The following PLCZ1 variants were observed in gnomAD, a reference collection of about 807,000 sequenced individuals.
The protein encoded by PLCZ1 is phospholipase C zeta 1, also known as 1-phosphatidylinositol 4,5-bisphosphate phosphodiesterase zeta-1.
Under a neutral mutation model 76.8 loss-of-function variants are expected in PLCZ1, and 64 were observed. That is an observed-to-expected ratio of 0.83 (90% confidence interval 0.68 to 1.03). PLCZ1 has a LOEUF of 1.03. PLCZ1 is among the 50% of genes least tolerant of loss of function. PLCZ1 has a pLI of 0.00. For missense variants in PLCZ1, 751 were observed against 713.7 expected, an observed-to-expected ratio of 1.05 and a Z score of -0.60; for synonymous variants, 248 against 230.8, an observed-to-expected ratio of 1.07 and a Z score of -0.68.
At chr12:18,690,579 T>C (rs930976050) in intron 12 of PLCZ1, among the ~76,000 whole-genome samples, 2 of 152,074 alleles carry the variant, frequency 1.3e-5, no homozygotes, top group East Asian at 1.9e-4. Flanking sequence ...AAGTTACAAG[T>C]AAATAAACAA....
At chr12:18,702,442 T>G (rs961416298) in intron 7 of PLCZ1, among the ~76,000 whole-genome samples, 6 of 152,218 alleles carry the variant, frequency 3.9e-5, no homozygotes, top group African/African-American at 1.4e-4. Context: ...AACAAGTACA[T>G]TTAAGTACCG....
the PLCZ1 span, among the ~76,000 whole-genome samples, chr12:18,652,445 A>G: frequency 6.6e-6 from 1 of 152,246 alleles, no homozygotes; most frequent in South Asian, 2.1e-4. Flanking sequence ...ATTCTTCCCC[A>G]CAGCTCTCAA....
chr12:18,718,543 T>C (rs557376647), intron 5 of PLCZ1, among the ~76,000 whole-genome samples: 104 of 152,274 alleles, frequency 6.8e-4, no homozygotes, highest in Middle Eastern at 3.4e-3. Context: ...CATTTTTCTC[T>C]CATTTAAACA....
chr12:18,709,844 G>A (rs1316898440), intron 6 of PLCZ1, among the ~76,000 whole-genome samples: 1 of 151,980 alleles, frequency 6.6e-6, no homozygotes, highest in African/African-American at 2.4e-5. Flanking sequence ...TTTCATCCAT[G>A]TTTTATAGTT....
intron 12 of PLCZ1, 49 bp from the exon 13 acceptor site, chr12:18,688,267 A>G (rs748640514): frequency 5.8e-6 from 9 of 1,540,486 alleles, no homozygotes; most frequent in South Asian, 2.4e-5. Flanking sequence ...ATTAAGTTAC[A>G]TCACCATTTA....
chr12:18,677,188 A>G, the PLCZ1 span, among the ~76,000 whole-genome samples: 1 of 152,112 alleles, frequency 6.6e-6, no homozygotes, highest in African/African-American at 2.4e-5. Flanking sequence ...GATCCTGGTC[A>G]GGCTGCTTGC....
intron 4 of PLCZ1, among the ~76,000 whole-genome samples, chr12:18,722,345 T>C (rs1438395599): frequency 2.6e-5 from 4 of 152,106 alleles, no homozygotes. Flanking sequence ...CTTCACTATA[T>C]CTTCAGCCCC....
At chr12:18,695,549 T>TA in intron 11 of PLCZ1, among the ~76,000 whole-genome samples, 1 of 152,114 alleles carries the variant, frequency 6.6e-6, no homozygotes, top group Non-Finnish European at 1.5e-5. Flanking sequence ...TATAGCCTGG[T>TA]AAATAGCCAC....
At chr12:18,653,221 C>T in the PLCZ1 span, among the ~76,000 whole-genome samples, 2 of 152,118 alleles carry the variant, frequency 1.3e-5, no homozygotes, top group South Asian at 4.1e-4. Flanking sequence ...GAGTTGATTC[C>T]CAGAGGAAAT....
intron 6 of PLCZ1, among the ~76,000 whole-genome samples, chr12:18,707,256 C>T (rs1007022891): frequency 3.3e-5 from 5 of 152,226 alleles, no homozygotes; most frequent in African/African-American, 1.2e-4. Context: ...CTTATTTGAC[C>T]TACACAATGA....
At chr12:18,652,000 TGGA>T in the PLCZ1 span, among the ~76,000 whole-genome samples, 17 of 152,154 alleles carry the variant, frequency 1.1e-4, no homozygotes, top group African/African-American at 4.1e-4. Flanking sequence ...TATTTATTAT[TGGA>T]GGAGAATAAA....
At chr12:18,712,115 TTC>T (rs1191400450) in intron 6 of PLCZ1, among the ~76,000 whole-genome samples, 2 of 152,190 alleles carry the variant, frequency 1.3e-5, no homozygotes, top group African/African-American at 4.8e-5. Flanking sequence ...GTAGTAAGAA[TTC>T]TTTTAGTCAT....
chr12:18,737,630 CTGTT>C (rs1959532749), intron 1 of PLCZ1, 121 bp from the exon 2 acceptor site: 6 of 592,294 alleles, frequency 1.0e-5, no homozygotes, highest in Non-Finnish European at 1.5e-5. Flanking sequence ...GCCCTTGAAA[CTGTT>C]TGGCTTCTTA....
At chr12:18,736,913 T>A (rs1959374313) in intron 2 of PLCZ1, among the ~76,000 whole-genome samples, 1 of 151,886 alleles carries the variant, frequency 6.6e-6, no homozygotes, top group Admixed American at 6.6e-5. Context: ...TCAAAAAGCA[T>A]CAGAAATACC....
chr12:18,718,866 G>C (rs1245994186), intron 5 of PLCZ1, among the ~76,000 whole-genome samples: 3 of 152,122 alleles, frequency 2.0e-5, no homozygotes, highest in Non-Finnish European at 4.4e-5. Context: ...TGACTAAACT[G>C]AAGTCTGGTA....
intron 13 of PLCZ1, among the ~76,000 whole-genome samples, chr12:18,687,465 A>C (rs577262751): frequency 2.0e-5 from 3 of 152,212 alleles, no homozygotes; most frequent in African/African-American, 7.2e-5. Context: ...ATCCTTTTCT[A>C]ATTTCCTTAG....
intron 3 of PLCZ1, among the ~76,000 whole-genome samples, chr12:18,734,539 C>T (rs1188364384): frequency 4.6e-5 from 7 of 152,000 alleles, no homozygotes; most frequent in Non-Finnish European, 7.4e-5. Flanking sequence ...TTAGTAGAGA[C>T]GAGGTTTCAA....
Position 18,684,056 on chromosome 12 carries a change from G to A in PLCZ1, c.1741+74C>T, listed in dbSNP as rs1471232477. On this transcript the variant is annotated intron_variant, in intron 14 of 14. Transcript: ENST00000266505. ...ACTTTATGATAGAGCTATTTGGTAT[G>A]TCAAAATGTGTCTTTGATATACACA... The A allele has an allele frequency of 5.3e-6, 8 of 1,514,694 alleles. No homozygotes were observed. The African/African-American group carries it at 9.6e-5, about 18-fold the overall frequency. The allele number at this position is 1,514,694 out of a possible 1,614,324, so 93.8% of individuals were successfully genotyped here. A position where few individuals can be genotyped will look rare whatever the true frequency, so the allele number is the denominator to read the frequency against.
the PLCZ1 span, among the ~76,000 whole-genome samples, chr12:18,669,230 G>A: frequency 2.6e-5 from 4 of 152,146 alleles, no homozygotes; most frequent in Non-Finnish European, 5.9e-5. Context: ...CTAGTAGGTA[G>A]CAAAGGACAT....
Sources: gnomAD v4.1 joint callset for allele counts (sites outside exome capture counted in the v4.1 genomes callset) on GRCh38, gnomAD v4.1.1 for gene constraint, MANE v1.5 for transcripts, NCBI Gene and HGNC (gene_info 2026-07-23, HGNC 2026-07-21) for gene names.